Variants in GABRB1 observed in about 807,000 individuals in gnomAD.
GABRB1 encodes gamma-aminobutyric acid type A receptor subunit beta1, also known as gamma-aminobutyric acid receptor subunit beta-1.
In GABRB1, 17 loss-of-function variants were observed where a neutral mutation model predicts 51.6. The ratio of observed to expected loss-of-function variants is 0.33; its 90% CI spans 0.23 to 0.49. The LOEUF (loss-of-function observed/expected upper bound fraction) is 0.49. Among genes scored for constraint, GABRB1 ranks in the 20% least tolerant of loss-of-function variants. The probability of loss-of-function intolerance (pLI) is 0.99; values close to 1 mark genes in which losing one functional copy is unlikely to be tolerated. For missense variants in GABRB1, 410 were observed against 600.6 expected, an observed-to-expected ratio of 0.68 and a Z score of 3.32; for synonymous variants, 247 against 218.9, an observed-to-expected ratio of 1.13 and a Z score of -1.14.
At chr4:47,386,943 G>T (rs545309095) in intron 5 of GABRB1, among the ~76,000 whole-genome samples, 1 of 152,120 alleles carries the variant, frequency 6.6e-6, no homozygotes, top group South Asian at 2.1e-4. Flanking sequence ...TAGACGAAAG[G>T]CTAAACAATT....
At chr4:47,290,538 G>A (rs373569313) in intron 4 of GABRB1, among the ~76,000 whole-genome samples, 1 of 152,198 alleles carries the variant, frequency 6.6e-6, no homozygotes, top group African/African-American at 2.4e-5. Flanking sequence ...GATTGGGACA[G>A]TTTGGAGGGC....
intron 1 of GABRB1, among the ~76,000 whole-genome samples, chr4:46,998,216 A>T (rs534490294): frequency 1.3e-5 from 2 of 152,322 alleles, no homozygotes; most frequent in African/African-American, 4.8e-5. Flanking sequence ...CAATACTATT[A>T]TCTGAATAAA....
chr4:47,289,005 A>G (rs948955638), intron 4 of GABRB1, among the ~76,000 whole-genome samples: 2 of 152,188 alleles, frequency 1.3e-5, no homozygotes, highest in Non-Finnish European at 2.9e-5. Flanking sequence ...ATCAATATAG[A>G]TGAGTGAACA....
At chr4:47,183,454 T>C (rs1388887090) in intron 4 of GABRB1, among the ~76,000 whole-genome samples, 1 of 150,660 alleles carries the variant, frequency 6.6e-6, no homozygotes, top group Non-Finnish European at 1.5e-5. Flanking sequence ...CTTTCTTGAT[T>C]CATATTTGGT....
intron 3 of GABRB1, among the ~76,000 whole-genome samples, chr4:47,074,011 C>T (rs1219526054): frequency 1.3e-5 from 2 of 152,108 alleles, no homozygotes; most frequent in Non-Finnish European, 2.9e-5. Context: ...ATCAAGCCAT[C>T]ATTGGATTAT....
chr4:47,183,345 CAT>C (rs57840134), intron 4 of GABRB1, among the ~76,000 whole-genome samples: 32,424 of 123,740 alleles, frequency 0.26, 4,303 homozygotes, highest in Middle Eastern at 0.41. Flanking sequence ...TGTGTGTGTG[CAT>C]ATATATATAT....
intron 3 of GABRB1, among the ~76,000 whole-genome samples, chr4:47,136,417 A>G (rs1716654888): frequency 1.3e-5 from 2 of 151,882 alleles, no homozygotes; most frequent in African/African-American, 4.8e-5. Flanking sequence ...TGTACAGCCT[A>G]AAAAAAATGG....
chr4:47,268,338 AAAG>A (rs1237351885), intron 4 of GABRB1, among the ~76,000 whole-genome samples: 3 of 152,216 alleles, frequency 2.0e-5, no homozygotes, highest in Non-Finnish European at 4.4e-5. Flanking sequence ...ATACATTGCA[AAAG>A]AAGAATGTTT....
chr4:47,339,636 G>C (rs1020151224), intron 5 of GABRB1, among the ~76,000 whole-genome samples: 3 of 149,960 alleles, frequency 2.0e-5, no homozygotes, highest in African/African-American at 7.3e-5. Context: ...GTTGTCATTA[G>C]TTCTATCATG....
intron 4 of GABRB1, among the ~76,000 whole-genome samples, chr4:47,209,757 T>G (rs6839998): frequency 0.85 from 128,584 of 151,820 alleles, 54,425 homozygotes; most frequent in Middle Eastern, 0.92. Flanking sequence ...AAGAAACCAG[T>G]AAATAAATAA....
rs905746153 is a variant in GABRB1, at chr4:47,006,224, A to G, written c.-20+12298A>G. 1.3e-3 allele frequency among the ~76,000 whole-genome samples: 191 copies of G among 152,124 alleles called. 5 individuals carry two copies. The highest frequency in any genetic ancestry group is 1.6e-3 in the Admixed American group (24 of 15,268). ...TGATTTTAGATTGGGTTCATCTTTC[A>G]AAAATTTCATAAGTCTACCAATCTT... On this transcript the variant is annotated intron_variant, in intron 1 of 3. Coordinates refer to the GABRB1 transcript ENST00000513567.
chr4:47,071,812 A>G (rs1727348335), intron 3 of GABRB1, among the ~76,000 whole-genome samples: 1 of 152,042 alleles, frequency 6.6e-6, no homozygotes, highest in African/African-American at 2.4e-5. Flanking sequence ...TCCATTGTTT[A>G]TAATTCTTAA....
At chr4:47,098,911 A>T (rs929552000) in intron 3 of GABRB1, among the ~76,000 whole-genome samples, 1 of 152,098 alleles carries the variant, frequency 6.6e-6, no homozygotes, top group Admixed American at 6.6e-5. Flanking sequence ...ACACTTTAGG[A>T]ACACTTTAGA....
chr4:47,374,971 A>C (rs1727329770), intron 5 of GABRB1, among the ~76,000 whole-genome samples: 2 of 152,256 alleles, frequency 1.3e-5, no homozygotes, highest in African/African-American at 4.8e-5. Context: ...GATCCAAAAA[A>C]TTGGGGAAAG....
At chr4:47,407,055 C>T in intron 8 of GABRB1, 129 bp downstream of exon 8, 1 of 905,434 alleles carries the variant, frequency 1.1e-6, no homozygotes. Flanking sequence ...ACCAAGCCTT[C>T]ATTTTACATA....
intron 5 of GABRB1, among the ~76,000 whole-genome samples, chr4:47,389,401 A>C (rs183193453): frequency 2.0e-3 from 300 of 152,268 alleles, no homozygotes; most frequent in African/African-American, 6.8e-3. Context: ...CAGTGCTTAG[A>C]TTTATCATGC....
intron 4 of GABRB1, among the ~76,000 whole-genome samples, chr4:47,313,337 T>C (rs1724774458): frequency 6.6e-6 from 1 of 152,178 alleles, no homozygotes; most frequent in South Asian, 2.1e-4. Context: ...ATGAAAATCT[T>C]GAGTTTAAAA....
chr4:47,012,020 C>G (rs1017218033), intron 1 of GABRB1, among the ~76,000 whole-genome samples: 1 of 152,080 alleles, frequency 6.6e-6, no homozygotes, highest in African/African-American at 2.4e-5. Context: ...TAAAACATTA[C>G]AGATACAATT....
chr4:47,229,253 G>A (rs558249187), intron 4 of GABRB1, among the ~76,000 whole-genome samples: 5 of 152,238 alleles, frequency 3.3e-5, no homozygotes, highest in Admixed American at 2.0e-4. Context: ...CTGAATGAAT[G>A]TTGAACTTCC....
Sources: allele counts gnomAD v4.1 joint callset (sites outside exome capture counted in the v4.1 genomes callset), GRCh38; gene constraint gnomAD v4.1.1; transcripts MANE v1.5; gene names NCBI Gene and HGNC (gene_info 2026-07-23, HGNC 2026-07-21).